Variants in PHYHD1 observed in about 807,000 individuals in gnomAD.
The protein encoded by PHYHD1 is phytanoyl-CoA dioxygenase domain-containing protein 1.
Under a neutral mutation model 43.6 loss-of-function variants are expected in PHYHD1, and 42 were observed. The observed-to-expected ratio is 0.96, with a 90% CI of 0.75 to 1.25. The LOEUF is 1.25. Ranked by LOEUF, PHYHD1 falls within the 50% of genes most tolerant of loss-of-function variation. The pLI is 0.00. For missense variants in PHYHD1, 342 were observed against 370.8 expected (o/e 0.92, Z 0.64); for synonymous variants, 139 against 143.6 (o/e 0.97, Z 0.23).
At chr9:128,924,704 G>A (rs921639679) in intron 3 of PHYHD1, among the ~76,000 whole-genome samples, 5 of 151,978 alleles carry the variant, frequency 3.3e-5, no homozygotes, top group African/African-American at 1.2e-4. Context: ...GGAGTCCGAA[G>A]TGAGTGGATC....
intron 4 of PHYHD1, among the ~76,000 whole-genome samples, chr9:128,932,851 ATTT>A (rs1309967945): frequency 3.2e-5 from 4 of 125,330 alleles, no homozygotes; most frequent in Non-Finnish European, 6.8e-5. Context: ...TTATTTATTT[ATTT>A]ATTTATTTTT....
chr9:128,936,519 G>T lies in PHYHD1; in HGVS notation c.372+16G>T. 7 of 1,613,508 alleles carry T rather than the reference G, an allele frequency of 4.3e-6. No homozygotes were observed. The highest frequency in any genetic ancestry group is 5.9e-6 in the Non-Finnish European group (7 of 1,179,842). The stretch of plus-strand genomic sequence containing the variant: ...CAAGGTGCAGGTGAGCAGAGGTGGG[G>T]GTGAGGGCCAGGAGGGTGGGCCATG... On this transcript the variant is annotated intron_variant, in intron 7 of 12. Coordinates refer to ENST00000372592, the MANE Select transcript of PHYHD1 (RefSeq NM_001100876.2).
intron 3 of PHYHD1, 57 bp from the exon 4 acceptor site, chr9:128,926,981 G>A: frequency 6.2e-7 from 1 of 1,612,062 alleles, no homozygotes; most frequent in South Asian, 1.1e-5. Context: ...GTTGAGGGAA[G>A]GGTCAGACAG....
intron 3 of PHYHD1, among the ~76,000 whole-genome samples, chr9:128,923,923 G>T (rs571063957): frequency 2.6e-5 from 4 of 152,156 alleles, no homozygotes; most frequent in Admixed American, 1.3e-4. Flanking sequence ...TTGGAGACTA[G>T]CCTGGCCAAC....
chr9:128,941,883 A>G lies in PHYHD1; in HGVS notation c.*170A>G, dbSNP rs891464091. ...AGGCTGGGTCAGGGGCTTCCCTAAG[A>G]TCTTCACCTCTCTGCCTCCCTACTG... On this transcript the variant is annotated 3_prime_UTR_variant, in exon 13 of 13. Transcript: ENST00000372592. The G allele has an allele frequency of 1.2e-6, 1 of 808,732 alleles. No individual in the cohort carries two copies. The highest frequency in any genetic ancestry group is 1.9e-6 in the Non-Finnish European group (1 of 516,454). The allele number at this position is 808,732 out of a possible 1,614,324, so 50.1% of individuals were successfully genotyped here. A position where few individuals can be genotyped will look rare whatever the true frequency, so the allele number is the denominator to read the frequency against.
chr9:128,941,198 G>C (rs967950897), intron 11 of PHYHD1, among the ~76,000 whole-genome samples: 5 of 152,178 alleles, frequency 3.3e-5, no homozygotes, highest in Non-Finnish European at 7.3e-5. Context: ...GGGAGGGGAG[G>C]CCCTTCCTAA....
chr9:128,923,265 T>TG (rs1463257131), intron 3 of PHYHD1, among the ~76,000 whole-genome samples: 1 of 151,806 alleles, frequency 6.6e-6, no homozygotes, highest in Non-Finnish European at 1.5e-5. Flanking sequence ...TTTGCAGAGA[T>TG]GGGGTCTCAC....
intron 4 of PHYHD1, among the ~76,000 whole-genome samples, chr9:128,933,563 G>A (rs886414295): frequency 1.3e-5 from 2 of 152,168 alleles, no homozygotes; most frequent in Non-Finnish European, 2.9e-5. Context: ...ACAGTATAGT[G>A]AGGTGTCCAA....
chr9:128,931,846 C>CTTTTT (rs200511638), intron 4 of PHYHD1, among the ~76,000 whole-genome samples: 57,350 of 149,406 alleles, frequency 0.38, 11,154 homozygotes, highest in Admixed American at 0.43. Context: ...TTCTTTCTTT[C>CTTTTT]TTTTTGAGAT....
At chr9:128,935,923 A>G (rs1372374724) in intron 6 of PHYHD1, among the ~76,000 whole-genome samples, 1 of 152,080 alleles carries the variant, frequency 6.6e-6, no homozygotes, top group Non-Finnish European at 1.5e-5. Context: ...AATAAATAAA[A>G]ATAAAAAGTA....
chr9:128,936,004 C>T (rs1841415348), intron 6 of PHYHD1, among the ~76,000 whole-genome samples: 1 of 152,178 alleles, frequency 6.6e-6, no homozygotes, highest in Non-Finnish European at 1.5e-5. Flanking sequence ...ATGCCAGGCC[C>T]TGGGCTGTCC....
At chr9:128,928,588 A>C (rs1205949131) in intron 4 of PHYHD1, among the ~76,000 whole-genome samples, 1 of 152,150 alleles carries the variant, frequency 6.6e-6, no homozygotes, top group African/African-American at 2.4e-5. Flanking sequence ...CTGTAATCCC[A>C]GCTACTTGGG....
Position 128,933,842 on chromosome 9 carries a change from G to A in PHYHD1, c.253G>A (p.Val85Ile), listed in dbSNP as rs756034640. 7.2e-5 allele frequency: 116 copies of A among 1,613,990 alleles called. No homozygotes were observed. The highest frequency in any genetic ancestry group is 6.6e-4 in the Middle Eastern group (4 of 6,080). The change falls in exon 5 of 13, where the codon GTT becomes ATT. Residue 85 changes from valine (V) to isoleucine (I), a missense_variant. Coordinates refer to ENST00000372592, the MANE Select transcript of PHYHD1 (RefSeq NM_001100876.2). ...GATTCGATTCTTCTTTGAGAAAGGC[G>A]TTTTTGATGAGAAAGGTTTGGAGCT... The part of the protein sequence containing the change: ...DKIRFFFEKG[V>I]FDEKGNFLVP...
intron 9 of PHYHD1, among the ~76,000 whole-genome samples, chr9:128,939,467 TA>T (rs2131118488): frequency 8.3e-6 from 1 of 120,116 alleles, no homozygotes; most frequent in Non-Finnish European, 1.9e-5. Flanking sequence ...TAATCCCAGC[TA>T]CTAGGGAGGC....
In PHYHD1 at chr9:128,926,558, C is replaced by CT. The variant is rs56677426; in HGVS notation, c.34-462dup. Among the ~76,000 whole-genome samples the CT allele has an allele frequency of 2.6e-3, 306 of 119,110 alleles. 1 individual carries two copies. The highest frequency in any genetic ancestry group is 4.7e-3 in the South Asian group (17 of 3,596). The allele number at this position is 119,110 out of a possible 152,430, so 78.1% of individuals were successfully genotyped here. A position where few individuals can be genotyped will look rare whatever the true frequency, so the allele number is the denominator to read the frequency against. On this transcript the variant is annotated intron_variant, in intron 3 of 12. Transcript: ENST00000372592. Reference sequence around the variant, plus strand: ...CCCAGCTTCCTTTTTCTTTTTCTTTCTTTTTTTTTTTTTTTTTTCGAGGTG... The same window carrying CT: ...CCCAGCTTCCTTTTTCTTTTTCTTTCTTTTTTTTTTTTTTTTTTTCGAGGTG...
At chr9:128,921,808 C>T (rs1308416419) in intron 1 of PHYHD1, 122 bp from the exon 2 acceptor site, 1 of 153,898 alleles carries the variant, frequency 6.5e-6, no homozygotes, top group Non-Finnish European at 1.4e-5. Flanking sequence ...GGTTTCAGAT[C>T]GGTGCTGGGA....
chr9:128,934,558 C>T (rs111265351), intron 6 of PHYHD1, among the ~76,000 whole-genome samples: 49 of 152,042 alleles, frequency 3.2e-4, no homozygotes, highest in African/African-American at 1.1e-3. Flanking sequence ...CACCTGAGGT[C>T]GGGAGTTCAA....
At chr9:128,922,088 G>A in intron 2 of PHYHD1, 41 bp downstream of exon 2, 1 of 540,074 alleles carries the variant, frequency 1.9e-6, no homozygotes, top group South Asian at 2.6e-5. Context: ...GAAACACAGA[G>A]GAAGCAGATA....
chr9:128,938,950 C>A (rs1588256819), intron 9 of PHYHD1, among the ~76,000 whole-genome samples: 1 of 130,684 alleles, frequency 7.7e-6, no homozygotes, highest in East Asian at 2.1e-4. Context: ...CCTTCTTCCA[C>A]CATTCAGCCT....
Sources: gnomAD v4.1 joint callset for allele counts (sites outside exome capture counted in the v4.1 genomes callset) on GRCh38, gnomAD v4.1.1 for gene constraint, MANE v1.5 for transcripts, NCBI Gene and HGNC (gene_info 2026-07-23, HGNC 2026-07-21) for gene names.